The following PCDHGA7 variants were observed in gnomAD, a reference collection of about 807,000 sequenced individuals.
PCDHGA7 encodes the protein protocadherin gamma-A7.
Under a neutral mutation model 58.3 loss-of-function variants are expected in PCDHGA7, and 44 were observed. That is an observed-to-expected ratio of 0.75 (90% confidence interval 0.59 to 0.97). PCDHGA7 has a LOEUF of 0.97. PCDHGA7 is among the 50% of genes least tolerant of loss of function. PCDHGA7 has a pLI of 0.00. For missense variants in PCDHGA7, 1,266 were observed against 1,188.7 expected, an observed-to-expected ratio of 1.06 and a Z score of -0.96; for synonymous variants, 516 against 504.2, an observed-to-expected ratio of 1.02 and a Z score of -0.31.
intron 3 of PCDHGA7, among the ~76,000 whole-genome samples, chr5:141,506,444 CAAAAAAAAAA>C (rs1219684339): frequency 8.4e-5 from 8 of 95,030 alleles, no homozygotes; most frequent in Non-Finnish European, 1.3e-4. Context: ...CGCTCTGTCT[CAAAAAAAAAA>C]AAAAAAAAAA....
intron 1 of PCDHGA7, chr5:141,441,078 G>T (rs1443239760): frequency 2.0e-5 from 3 of 152,140 alleles, no homozygotes; most frequent in Non-Finnish European, 4.4e-5. Context: ...CCATGGTTTT[G>T]GTAGCAAGTG....
chr5:141,430,480 A>G (rs2097288752), intron 1 of PCDHGA7: 1 of 256,116 alleles, frequency 3.9e-6, no homozygotes, highest in Admixed American at 5.4e-5. Context: ...TTAAGATATA[A>G]AAACGAAATA....
chr5:141,439,629 A>G (rs1262264623), intron 1 of PCDHGA7, among the ~76,000 whole-genome samples: 1 of 152,208 alleles, frequency 6.6e-6, no homozygotes, highest in East Asian at 1.9e-4. Flanking sequence ...CAATCCCCAG[A>G]CATTCCGGCT....
chr5:141,387,947 G>C (rs1240846942), intron 1 of PCDHGA7: 25 of 1,484,496 alleles, frequency 1.7e-5, no homozygotes, highest in Non-Finnish European at 2.2e-5. Context: ...TTCTCTTCCT[G>C]CTGTCTTTGT....
At chr5:141,395,032 T>C (rs1561652708) in intron 1 of PCDHGA7, 1 of 1,614,068 alleles carries the variant, frequency 6.2e-7, no homozygotes. Context: ...GCCTCACATT[T>C]TGTGGGTGTT....
chr5:141,433,245 A>C, intron 1 of PCDHGA7: 3 of 1,459,776 alleles, frequency 2.1e-6, no homozygotes, highest in Non-Finnish European at 2.8e-6. Context: ...CCAAGCTGGA[A>C]TGCAGCGGTA....
chr5:141,418,707 G>T (rs2096282239), intron 1 of PCDHGA7: 1 of 1,614,016 alleles, frequency 6.2e-7, no homozygotes, highest in Non-Finnish European at 8.5e-7. Context: ...TCCTTCTTTG[G>T]TGTGGCTGAC....
chr5:141,409,988 G>A (rs373071156), intron 1 of PCDHGA7: 43 of 1,613,160 alleles, frequency 2.7e-5, no homozygotes, highest in African/African-American at 5.3e-5. Context: ...AGCGGTGGAC[G>A]CCGACTCGGG....
intron 1 of PCDHGA7, chr5:141,478,489 C>G (rs779457709): frequency 5.6e-6 from 9 of 1,613,162 alleles, no homozygotes; most frequent in Middle Eastern, 1.6e-4. Flanking sequence ...CGCTGCGGAG[C>G]TGTGATCCGG....
rs971610218 is a variant in PCDHGA7, at chr5:141,400,979, C to T, written c.2424+15656C>T. Among the ~76,000 whole-genome samples, 10 of 152,258 alleles carry T rather than the reference C, an allele frequency of 6.6e-5. No individual in the cohort carries two copies. The East Asian group carries it at 9.6e-4, about 15-fold the overall frequency. ...GTAGTTTTCATCTCTTTCTTATGTT[C>T]CTCATATATGCTTTCTTATTCCTAC... On this transcript the variant is annotated intron_variant, in intron 1 of 3. Transcript: ENST00000518325.
At chr5:141,473,548 C>A (rs1158305951) in intron 1 of PCDHGA7, among the ~76,000 whole-genome samples, 3 of 152,118 alleles carry the variant, frequency 2.0e-5, no homozygotes, top group South Asian at 2.1e-4. Context: ...TAATGGAAGA[C>A]CTCTATTAGG....
In PCDHGA7 at chr5:141,385,264, G is replaced by T. The variant is rs879420336; in HGVS notation, c.2365G>T (p.Asp789Tyr). 1.3e-5 allele frequency: 21 copies of T among 1,613,712 alleles called. No homozygotes were observed. The highest frequency in any genetic ancestry group is 1.6e-5 in the Non-Finnish European group (19 of 1,179,586). ...CAGCCAGGAGAGCTGTGAGAAAAAT[G>T]ATTCTTTGCTAACATCCGTAGATTT... ...LISQESCEKN[D>Y]SLLTSVDFQE... The change falls in exon 1 of 4, where the codon GAT becomes TAT. Residue 789 changes from aspartate (D) to tyrosine (Y), a missense_variant. Physicochemically the swap from Asp to Tyr is radical, Grantham distance 160. Transcript: ENST00000518325.
At chr5:141,433,256 C>G (rs760130587) in intron 1 of PCDHGA7, 2 of 1,385,666 alleles carry the variant, frequency 1.4e-6, no homozygotes, top group Non-Finnish European at 2.0e-6. Context: ...TGCAGCGGTA[C>G]GATCATAGCT....
chr5:141,406,331 C>T lies in PCDHGA7; in HGVS notation c.2424+21008C>T, dbSNP rs577134835. 6.6e-5 allele frequency among the ~76,000 whole-genome samples: 10 copies of T among 152,002 alleles called. No homozygotes were observed. In the East Asian group the frequency reaches 1.3e-3, roughly 21 times the overall value. ...CTCACCCAGCAAATTCTTACTCCTA[C>T]GATCATTTATTCAGGTCATACTATG... On this transcript the variant is annotated intron_variant, in intron 1 of 3. Coordinates refer to ENST00000518325, the MANE Select transcript of PCDHGA7 (RefSeq NM_018920.4).
intron 1 of PCDHGA7, among the ~76,000 whole-genome samples, chr5:141,425,691 T>C (rs1411905655): frequency 6.6e-6 from 1 of 152,238 alleles, no homozygotes. Context: ...TGCATATCAT[T>C]TCATAGTGGT....
Position 141,491,885 on chromosome 5 carries a change from G to T in PCDHGA7, c.2425-2922G>T. On this transcript the variant is annotated intron_variant, in intron 1 of 3. Transcript: ENST00000518325. The surrounding 1 kb of genome is among the most constrained non-coding windows in gnomAD (Gnocchi z 6.9). ...ACCAGAGTGGCCGATTAAGGGATGG[G>T]GCTCCGAGCACCGGGGGTGGTGGCG... The T allele has an allele frequency of 6.9e-7, 1 of 1,445,748 alleles. No homozygotes were observed. Among genetic ancestry groups the T allele is most frequent in the Non-Finnish European group, 9.1e-7 (1 of 1,093,758 alleles). The allele number at this position is 1,445,748 out of a possible 1,614,324, so 89.6% of individuals were successfully genotyped here. A position where few individuals can be genotyped will look rare whatever the true frequency, so the allele number is the denominator to read the frequency against.
At chr5:141,390,407 G>A in intron 1 of PCDHGA7, 1 of 1,265,446 alleles carries the variant, frequency 7.9e-7, no homozygotes, top group Non-Finnish European at 1.1e-6. Flanking sequence ...TAGGAAAGTT[G>A]TAGTCAGTTA....
At chr5:141,403,390 G>A in intron 1 of PCDHGA7, 1 of 1,614,038 alleles carries the variant, frequency 6.2e-7, no homozygotes, top group Non-Finnish European at 8.5e-7. Context: ...ACGAAATCGC[G>A]GTTCCTGGAG....
intron 1 of PCDHGA7, chr5:141,389,984 C>G: frequency 6.2e-7 from 1 of 1,614,070 alleles, no homozygotes; most frequent in Non-Finnish European, 8.5e-7. Flanking sequence ...TCTCAGTGCT[C>G]TTCCTCGTGG....
Sources: allele counts gnomAD v4.1 joint callset (sites outside exome capture counted in the v4.1 genomes callset), GRCh38; gene constraint gnomAD v4.1.1; non-coding constraint Gnocchi (gnomAD v3.1); transcripts MANE v1.5; gene names NCBI Gene and HGNC (gene_info 2026-07-23, HGNC 2026-07-21).